TMEM132D: variants seen among roughly 807,000 people sequenced by gnomAD.
TMEM132D encodes transmembrane protein 132D, also known as mature OL transmembrane protein.
TMEM132D carries 21 observed loss-of-function variants against 62.3 expected under a neutral mutation model. That is an observed-to-expected ratio of 0.34 (90% CI 0.24 to 0.49). The LOEUF is 0.49. TMEM132D is among the 20% of genes least tolerant of loss of function. The pLI is 0.99. For missense variants in TMEM132D, 1,346 were observed against 1,402.8 expected (o/e 0.96, Z 0.65); for synonymous variants, 621 against 575.6 (o/e 1.08, Z -1.13).
At chr12:129,609,151 G>A (rs1293360570) in intron 2 of TMEM132D, among the ~76,000 whole-genome samples, 1 of 151,882 alleles carries the variant, frequency 6.6e-6, no homozygotes, top group Non-Finnish European at 1.5e-5. Context: ...CACCATCTTG[G>A]TCAGGCTGGT....
At chr12:129,824,854 C>G (rs1040790273) in intron 1 of TMEM132D, among the ~76,000 whole-genome samples, 1 of 152,234 alleles carries the variant, frequency 6.6e-6, no homozygotes, top group Non-Finnish European at 1.5e-5. Context: ...CACCCTCCCA[C>G]TATCTGGCAA....
At chr12:129,760,304 A>G (rs1870311343) in intron 1 of TMEM132D, among the ~76,000 whole-genome samples, 1 of 150,370 alleles carries the variant, frequency 6.7e-6, no homozygotes, top group Non-Finnish European at 1.5e-5. Flanking sequence ...CAACAGACAG[A>G]AATGATGTAA....
At chr12:129,158,971 A>G (rs1311597533) in intron 5 of TMEM132D, among the ~76,000 whole-genome samples, 1 of 151,510 alleles carries the variant, frequency 6.6e-6, no homozygotes, top group Non-Finnish European at 1.5e-5. Flanking sequence ...TCTTGTGAAA[A>G]CTCCTGCACT....
At chr12:129,226,706 C>A (rs767951942) in intron 4 of TMEM132D, among the ~76,000 whole-genome samples, 10 of 152,202 alleles carry the variant, frequency 6.6e-5, no homozygotes, top group Non-Finnish European at 1.3e-4. Context: ...TTACATTTGG[C>A]TCACTTTTTG....
intron 1 of TMEM132D, among the ~76,000 whole-genome samples, chr12:129,736,394 T>C (rs1298176325): frequency 6.6e-6 from 1 of 152,220 alleles, no homozygotes. Context: ...TCTTACCAAG[T>C]ATTTTTATAA....
chr12:129,392,602 G>A (rs1044988823), intron 3 of TMEM132D, among the ~76,000 whole-genome samples: 10 of 152,288 alleles, frequency 6.6e-5, no homozygotes, highest in East Asian at 3.9e-4. Flanking sequence ...GGCCAGTGGC[G>A]GCTGTGTTGC....
intron 1 of TMEM132D, among the ~76,000 whole-genome samples, chr12:129,822,936 C>T (rs552720939): frequency 5.9e-5 from 9 of 152,292 alleles, no homozygotes; most frequent in Admixed American, 1.3e-4. Flanking sequence ...ATCTCATGTT[C>T]ATTTGTCACC....
At chr12:129,168,762 T>C (rs1268636323) in intron 5 of TMEM132D, among the ~76,000 whole-genome samples, 1 of 152,196 alleles carries the variant, frequency 6.6e-6, no homozygotes, top group Non-Finnish European at 1.5e-5. Flanking sequence ...TATCTCATCT[T>C]ATTTTGATGG....
chr12:129,528,847 C>T (rs534396899), intron 3 of TMEM132D, among the ~76,000 whole-genome samples: 42 of 152,340 alleles, frequency 2.8e-4, no homozygotes, highest in African/African-American at 9.6e-4. Flanking sequence ...AACTATAAGA[C>T]TTCCGTTCTA....
At chr12:129,547,113 C>T (rs898930644) in intron 2 of TMEM132D, among the ~76,000 whole-genome samples, 3 of 152,164 alleles carry the variant, frequency 2.0e-5, no homozygotes, top group Non-Finnish European at 2.9e-5. Context: ...CCTCCCATTG[C>T]TGCCTCTGCT....
rs1281881255 is a variant in TMEM132D, at chr12:129,089,320, G to A, written c.1444-4618C>T. Among the ~76,000 whole-genome samples the A allele has an allele frequency of 4.3e-5, 2 of 46,770 alleles. 1 individual carries two copies. The highest frequency in any genetic ancestry group is 2.1e-3 in the East Asian group (2 of 938). 30.7% of individuals were successfully genotyped at this position (46,770 alleles called of 152,430 possible). On this transcript the variant is annotated intron_variant, in intron 5 of 8. Transcript: ENST00000422113. Reference sequence around the variant, plus strand: ...CTATGACCGGGTGTCCTCCATGACCGGGTGTCCTCCCTGACCGGGATGTCC... The same window carrying A: ...CTATGACCGGGTGTCCTCCATGACCAGGTGTCCTCCCTGACCGGGATGTCC...
chr12:129,603,479 A>T (rs1442484385), intron 2 of TMEM132D, among the ~76,000 whole-genome samples: 1 of 152,146 alleles, frequency 6.6e-6, no homozygotes, highest in Non-Finnish European at 1.5e-5. Context: ...TCAGGGCCTG[A>T]TAGCTCCCTT....
chr12:129,747,437 C>A (rs866411637), intron 1 of TMEM132D, among the ~76,000 whole-genome samples: 7 of 150,848 alleles, frequency 4.6e-5, no homozygotes, highest in African/African-American at 1.7e-4. Context: ...CAGACACACA[C>A]ACTCTCAGTC....
intron 4 of TMEM132D, among the ~76,000 whole-genome samples, chr12:129,235,344 C>A (rs1461147128): frequency 7.3e-5 from 11 of 151,208 alleles, no homozygotes; most frequent in African/African-American, 2.2e-4. Context: ...TCCATCACCT[C>A]AACAAAGTTC....
chr12:129,891,927 A>G (rs116323666), intron 1 of TMEM132D, among the ~76,000 whole-genome samples: 2,376 of 152,350 alleles, frequency 0.016, 64 homozygotes, highest in African/African-American at 0.054. Context: ...AAAAATGTGA[A>G]GCAGTCATCT....
intron 2 of TMEM132D, among the ~76,000 whole-genome samples, chr12:129,584,879 ATC>A (rs1178210779): frequency 6.6e-6 from 1 of 152,142 alleles, no homozygotes; most frequent in African/African-American, 2.4e-5. Flanking sequence ...AGAGAGGGGA[ATC>A]TCTCTCATGT....
chr12:129,533,392 G>T (rs1183086529), intron 2 of TMEM132D, among the ~76,000 whole-genome samples: 1 of 152,166 alleles, frequency 6.6e-6, no homozygotes, highest in Non-Finnish European at 1.5e-5. Context: ...AGTACAATCC[G>T]CTGTGGACAG....
chr12:129,489,776 A>G (rs555566824), intron 3 of TMEM132D, among the ~76,000 whole-genome samples: 4 of 152,380 alleles, frequency 2.6e-5, no homozygotes, highest in African/African-American at 7.2e-5. Context: ...TCATTATTAT[A>G]TAATCCTACC....
intron 1 of TMEM132D, among the ~76,000 whole-genome samples, chr12:129,745,915 G>T (rs796657316): frequency 9.9e-5 from 15 of 152,270 alleles, no homozygotes; most frequent in African/African-American, 3.6e-4. Context: ...TGCAAACAGA[G>T]CCACCCCAGC....
Sources: gnomAD v4.1 joint callset for allele counts (sites outside exome capture counted in the v4.1 genomes callset) on GRCh38, gnomAD v4.1.1 for gene constraint, MANE v1.5 for transcripts, NCBI Gene and HGNC (gene_info 2026-07-23, HGNC 2026-07-21) for gene names.